The following PZP variants were observed in gnomAD, a reference collection of about 807,000 sequenced individuals.
PZP encodes pregnancy zone protein.
Under a neutral mutation model 179.8 loss-of-function variants are expected in PZP, and 150 were observed. The observed-to-expected ratio is 0.83, with a 90% CI of 0.73 to 0.96. PZP has a LOEUF of 0.96. Among genes scored for constraint, PZP ranks in the 40% least tolerant of loss-of-function variants. The probability of loss-of-function intolerance (pLI) is 0.00; values close to 1 mark genes in which losing one functional copy is unlikely to be tolerated. For synonymous variants in PZP, 624 were observed against 652.3 expected (o/e 0.96, Z 0.66); for missense variants, 1,689 against 1,764.0 (o/e 0.96, Z 0.76).
intron 5 of PZP, 30 bp downstream of exon 5, chr12:9,201,297 T>C: frequency 6.6e-7 from 1 of 1,506,458 alleles, no homozygotes; most frequent in Non-Finnish European, 9.2e-7. Flanking sequence ...AGCACTAATT[T>C]CCTTATAAGA....
the PZP span, among the ~76,000 whole-genome samples, chr12:9,142,581 T>G: frequency 6.6e-6 from 1 of 152,232 alleles, no homozygotes; most frequent in South Asian, 2.1e-4. Flanking sequence ...GCACTTATTT[T>G]TCTTAGGCCA....
chr12:9,173,923 T>A (rs1034892727), intron 15 of PZP, among the ~76,000 whole-genome samples: 3 of 152,226 alleles, frequency 2.0e-5, no homozygotes, highest in Non-Finnish European at 4.4e-5. Context: ...GTACCATTTC[T>A]ACTAAAACTA....
chr12:9,147,222 T>G (rs1353108471), downstream of PZP, among the ~76,000 whole-genome samples: 1 of 152,214 alleles, frequency 6.6e-6, no homozygotes, highest in Non-Finnish European at 1.5e-5. Flanking sequence ...GGATCTATAG[T>G]GCCTACCAGT....
chr12:9,198,511 A>G (rs1375383593), intron 7 of PZP, among the ~76,000 whole-genome samples: 1 of 152,206 alleles, frequency 6.6e-6, no homozygotes, highest in Admixed American at 6.5e-5. Flanking sequence ...CAAAATGCAC[A>G]GACACACGCA....
At position 9,168,860 on chromosome 12, in the gene PZP, C is replaced by G. The variant is rs1451763482; in HGVS notation, c.2107+9G>C. On this transcript the variant is annotated intron_variant, in intron 17 of 35. Coordinates refer to ENST00000261336, the MANE Select transcript of PZP (RefSeq NM_002864.3). ...ATGAAATAAAATTAAAAGCAAATTGCTGTTTTACCTCCATAGTATCCTTGA... is the reference window on the plus strand; with the variant it reads ...ATGAAATAAAATTAAAAGCAAATTGGTGTTTTACCTCCATAGTATCCTTGA... 1 of 1,589,332 alleles carries G rather than the reference C, an allele frequency of 6.3e-7. No individual in the cohort carries two copies. The highest frequency in any genetic ancestry group is 8.6e-7 in the Non-Finnish European group (1 of 1,159,420).
At chr12:9,201,887 C>A (rs1303853436) in intron 4 of PZP, among the ~76,000 whole-genome samples, 2 of 151,870 alleles carry the variant, frequency 1.3e-5, no homozygotes, top group South Asian at 2.1e-4. Flanking sequence ...ATAAAAAAGT[C>A]TTTGTGTATA....
intron 13 of PZP, among the ~76,000 whole-genome samples, chr12:9,185,494 G>A (rs1943042032): frequency 6.6e-6 from 1 of 152,150 alleles, no homozygotes; most frequent in African/African-American, 2.4e-5. Flanking sequence ...CATAATGAAA[G>A]CAACTTGGAA....
rs1402368253 is a variant in PZP at position 9,200,977 on chromosome 12, T to C, written c.585A>G (p.Ser195=). ...CCCTGTAGGAGCCCTGAATGGGCTC[T>C]GATGAGAGGGGAAAGGACAACTGAT... The part of the protein sequence containing the change: ...GINQLSFPLS[S]EPIQGSYRVV... Residue 195 remains serine, a synonymous_variant, in exon 6 of 36, where the codon TCA becomes TCG. Coordinates refer to ENST00000261336, the MANE Select transcript of PZP (RefSeq NM_002864.3). 1 of 1,613,950 alleles carries C rather than the reference T, an allele frequency of 6.2e-7. No homozygotes were observed. Among genetic ancestry groups the C allele is most frequent in the Non-Finnish European group, 8.5e-7 (1 of 1,179,948 alleles).
downstream of PZP, among the ~76,000 whole-genome samples, chr12:9,145,482 T>C (rs993053749): frequency 2.6e-5 from 4 of 152,354 alleles, no homozygotes; most frequent in East Asian, 1.9e-4. Flanking sequence ...TTTATTTTTG[T>C]GAAAATTGAT....
Position 9,164,130 on chromosome 12 carries a change from C to A in PZP, c.2614+3G>T. 2 of 1,610,472 alleles carry A rather than the reference C, an allele frequency of 1.2e-6. No homozygotes were observed. The highest frequency in any genetic ancestry group is 2.2e-5 in the South Asian group (2 of 90,852). On this transcript the variant is annotated splice_donor_region_variant and intron_variant, in intron 20 of 35. Coordinates refer to ENST00000261336, the MANE Select transcript of PZP (RefSeq NM_002864.3). ...ATAGGCCCTTTTGGGTACTGTCACT[C>A]ACCCAGAGTTTTAGGAGTCACTGTC... is the stretch of plus-strand genomic sequence containing the variant.
chr12:9,199,580 A>G (rs751540884), intron 7 of PZP, among the ~76,000 whole-genome samples: 1 of 152,192 alleles, frequency 6.6e-6, no homozygotes, highest in Non-Finnish European at 1.5e-5. Context: ...TCAATGTTCC[A>G]TGAGAAAACA....
At chr12:9,146,222 T>C (rs922132893), downstream of PZP, among the ~76,000 whole-genome samples, 1 of 152,088 alleles carries the variant, frequency 6.6e-6, no homozygotes, top group Admixed American at 6.5e-5. Flanking sequence ...TATTTCTTTG[T>C]CTTTTTTTCT....
At position 9,149,585 on chromosome 12, in the gene PZP, C is replaced by T; in HGVS notation, c.4402G>A (p.Glu1468Lys). The change falls in exon 35 of 36, where the codon GAG becomes AAG. Residue 1468 changes from glutamate (E) to lysine (K), a missense_variant. This residue lies in a region of PZP where 746 missense variants were observed against 749.2 expected (regional missense o/e 1.00). Coordinates refer to ENST00000261336, the MANE Select transcript of PZP (RefSeq NM_002864.3). ...YYETDESVVA[E>K]YIAPCSTDTE... ...CCTGTGCTGCAGGGGGCGATATACT[C>T]AGCAACCACAGACTCATCTGAAAGA... The T allele has an allele frequency of 6.2e-7, 1 of 1,612,936 alleles. No individual in the cohort carries two copies. The highest frequency in any genetic ancestry group is 8.5e-7 in the Non-Finnish European group (1 of 1,179,344).
intron 13 of PZP, among the ~76,000 whole-genome samples, chr12:9,190,373 A>C (rs939710561): frequency 1.3e-5 from 2 of 152,256 alleles, no homozygotes; most frequent in Non-Finnish European, 2.9e-5. Context: ...AGAAGCTATC[A>C]TTCTTAGCAA....
chr12:9,178,505 T>C (rs1942541443), intron 15 of PZP, among the ~76,000 whole-genome samples: 1 of 151,922 alleles, frequency 6.6e-6, no homozygotes, highest in African/African-American at 2.4e-5. Flanking sequence ...GGTGAAAAGG[T>C]GAAAGTTCCC....
intron 26 of PZP, 65 bp downstream of exon 26, chr12:9,158,355 C>A: frequency 6.3e-7 from 1 of 1,578,854 alleles, no homozygotes; most frequent in African/African-American, 1.3e-5. Flanking sequence ...CCTCCTTCCT[C>A]CCTTCACCCC....
intron 25 of PZP, among the ~76,000 whole-genome samples, 175 bp downstream of exon 25, chr12:9,159,762 GC>G (rs1941035112): frequency 6.6e-6 from 1 of 151,486 alleles, no homozygotes; most frequent in Non-Finnish European, 1.5e-5. Flanking sequence ...ACTAGATGCG[GC>G]CCCTAGACTT....
downstream of PZP, among the ~76,000 whole-genome samples, chr12:9,147,072 G>A (rs745808503): frequency 1.1e-4 from 17 of 152,230 alleles, no homozygotes; most frequent in South Asian, 3.5e-3. Flanking sequence ...TGAGCTCCCC[G>A]ACTGGCAAGG....
intron 15 of PZP, among the ~76,000 whole-genome samples, chr12:9,177,564 A>G (rs1035729838): frequency 5.3e-5 from 8 of 152,258 alleles, no homozygotes; most frequent in African/African-American, 1.9e-4. Context: ...AGCAGTAGAT[A>G]GGTAACGCAA....
Sources: gnomAD v4.1 joint callset for allele counts (sites outside exome capture counted in the v4.1 genomes callset) on GRCh38, gnomAD v4.1.1 for gene constraint, gnomAD v4.1.1 regional missense constraint, MANE v1.5 for transcripts, NCBI Gene and HGNC (gene_info 2026-07-23, HGNC 2026-07-21) for gene names.